STK32C: variants seen among roughly 807,000 people sequenced by gnomAD.
The protein encoded by STK32C is serine/threonine kinase 32C, also known as serine/threonine-protein kinase 32C.
Under a neutral mutation model 56.5 loss-of-function variants are expected in STK32C, and 31 were observed. The observed-to-expected ratio is 0.55, with a 90% confidence interval of 0.41 to 0.74. STK32C has a LOEUF of 0.74. Ranked by LOEUF, STK32C falls within the 30% of genes least tolerant of loss-of-function variation. The pLI is 0.00. For synonymous variants in STK32C, 309 were observed against 289.4 expected, an observed-to-expected ratio of 1.07 and a Z score of -0.69; for missense variants, 544 against 676.9, an observed-to-expected ratio of 0.80 and a Z score of 2.18.
intron 1 of STK32C, among the ~76,000 whole-genome samples, chr10:132,259,381 T>C (rs912697466): frequency 4.6e-5 from 7 of 152,224 alleles, no homozygotes; most frequent in Non-Finnish European, 1.5e-5. Flanking sequence ...AGGAGGGTCC[T>C]GGTGGGAGGT....
Position 132,307,215 on chromosome 10 carries a change from A to C in STK32C, c.262+357T>G, listed in dbSNP as rs747453310. ...GAGCGCCTCTCTAACTGCAAAGTAC[A>C]AACGAGCCCGCACGTGGGCCCGAGC... On this transcript the variant is annotated intron_variant, in intron 1 of 11. Transcript: ENST00000298630. This position sits in a 1 kb window ranked among gnomAD's most constrained non-coding sequence, Gnocchi z 4.4. 146 of 178,208 alleles carry C rather than the reference A, an allele frequency of 8.2e-4. No individual in the cohort carries two copies. Among genetic ancestry groups the C allele is most frequent in the Admixed American group, 1.9e-3 (30 of 15,712 alleles). The allele number at this position is 178,208 out of a possible 1,614,324, so 11.0% of individuals were successfully genotyped here. A position where few individuals can be genotyped will look rare whatever the true frequency, so the allele number is the denominator to read the frequency against.
chr10:132,331,938 C>G, upstream of STK32C: 1 of 511,244 alleles, frequency 2.0e-6, no homozygotes, highest in Non-Finnish European at 3.1e-6. Context: ...CAAGCGCAAC[C>G]CCCCGCCCCA....
chr10:132,251,231 G>T (rs769054455), intron 1 of STK32C, among the ~76,000 whole-genome samples: 1 of 152,198 alleles, frequency 6.6e-6, no homozygotes, highest in African/African-American at 2.4e-5. Context: ...ACCCAGTTTC[G>T]CCTAGTCCCA....
At chr10:132,249,140 G>A (rs1280122865) in intron 1 of STK32C, 4 of 443,508 alleles carry the variant, frequency 9.0e-6, no homozygotes, top group African/African-American at 2.1e-5. Flanking sequence ...GCGTCAGGGC[G>A]TGCAGGGGGC....
At chr10:132,292,696 AC>A (rs2065606390) in intron 1 of STK32C, among the ~76,000 whole-genome samples, 1 of 151,660 alleles carries the variant, frequency 6.6e-6, no homozygotes. Flanking sequence ...CCAACGCAAG[AC>A]CCCCACCCAA....
chr10:132,294,740 G>A (rs78089373), intron 1 of STK32C, among the ~76,000 whole-genome samples: 2,186 of 152,140 alleles, frequency 0.014, 60 homozygotes, highest in African/African-American at 0.05. Context: ...ACCAGCCCCC[G>A]ACCCAGGGCC....
In STK32C at chr10:132,307,541, GC is replaced by G. The variant is rs778626350; in HGVS notation, c.262+30del. 10 of 1,529,874 alleles carry G rather than the reference GC, an allele frequency of 6.5e-6. No homozygotes were observed. The African/African-American group carries it at 1.4e-4, about 22-fold the overall frequency. 94.8% of individuals were successfully genotyped at this position (1,529,874 alleles called of 1,614,324 possible). A position where few individuals can be genotyped will look rare whatever the true frequency, so the allele number is the denominator to read the frequency against. On this transcript the variant is annotated intron_variant, in intron 1 of 11. Transcript: ENST00000298630. The surrounding 1 kb of genome is among the most constrained non-coding windows in gnomAD (Gnocchi z 4.4). ...GCGCCCGCCCCTGCAATAGCGCGCG[GC>G]CCCCACGTCGTCCCCGTGCCCGCAC...
intron 1 of STK32C, among the ~76,000 whole-genome samples, chr10:132,317,477 A>C (rs968594838): frequency 6.6e-6 from 1 of 152,258 alleles, no homozygotes; most frequent in African/African-American, 2.4e-5. Flanking sequence ...TTTCTGGTGT[A>C]GGACTTGTAC....
intron 2 of STK32C, among the ~76,000 whole-genome samples, chr10:132,243,013 C>T (rs956740254): frequency 5.9e-5 from 9 of 152,364 alleles, no homozygotes; most frequent in Middle Eastern, 3.4e-3. Flanking sequence ...GGCCGGGGCT[C>T]GGCATGGGCT....
intron 2 of STK32C, among the ~76,000 whole-genome samples, chr10:132,239,339 C>G (rs2063417342): frequency 6.6e-6 from 1 of 152,180 alleles, no homozygotes; most frequent in Non-Finnish European, 1.5e-5. Flanking sequence ...GCAAACGGTC[C>G]TCCCCAAGCT....
chr10:132,315,605 G>A lies in STK32C; in HGVS notation c.301+15831C>T, dbSNP rs186190266. The stretch of plus-strand genomic sequence containing the variant: ...CAACCGGAGAGAAAAATAGACAAAC[G>A]CACAGTCATAGTAGTAGAGCTTAAC... On this transcript the variant is annotated intron_variant, in intron 1 of 3. Transcript: ENST00000368620. 5.6e-4 allele frequency among the ~76,000 whole-genome samples: 85 copies of A among 152,138 alleles called. 1 individual carries two copies. Among genetic ancestry groups the A allele is most frequent in the Middle Eastern group, 3.4e-3 (1 of 294 alleles).
At chr10:132,208,184 G>GC (rs929079396) in intron 11 of STK32C, 33 bp from the exon 12 acceptor site, 5 of 1,305,014 alleles carry the variant, frequency 3.8e-6, no homozygotes, top group Non-Finnish European at 4.9e-6. Context: ...AGGGCGTTAT[G>GC]CCCCCACCTC....
chr10:132,243,828 G>A (rs988409202), intron 2 of STK32C, among the ~76,000 whole-genome samples: 3 of 152,160 alleles, frequency 2.0e-5, no homozygotes, highest in Admixed American at 1.3e-4. Flanking sequence ...CGCCCTGAAC[G>A]GGTGGGCTCC....
chr10:132,274,717 C>T lies in STK32C; in HGVS notation c.263-28762G>A, dbSNP rs150444775. Among the ~76,000 whole-genome samples the T allele has an allele frequency of 4.6e-5, 7 of 152,322 alleles. No homozygotes were observed. The South Asian group carries it at 6.2e-4, about 14-fold the overall frequency. On this transcript the variant is annotated intron_variant, in intron 1 of 11. Transcript: ENST00000298630. ...GGCTGAGCGCAAACCTCAAAATCCA[C>T]GGGAACCAGGCCTCGGAGGGCCCCG...
rs191418619 is a variant in STK32C at position 132,307,555 on chromosome 10, C to T, written c.262+17G>A. On this transcript the variant is annotated intron_variant, in intron 1 of 11. Coordinates refer to ENST00000298630, the MANE Select transcript of STK32C (RefSeq NM_173575.4). The surrounding 1 kb of genome is among the most constrained non-coding windows in gnomAD (Gnocchi z 4.4). Reference sequence around the variant, plus strand: ...AATAGCGCGCGGCCCCCACGTCGTCCCCGTGCCCGCACTCACCGTCCTCCT... The same window carrying T: ...AATAGCGCGCGGCCCCCACGTCGTCTCCGTGCCCGCACTCACCGTCCTCCT... 2,189 of 1,543,828 alleles carry T rather than the reference C, an allele frequency of 1.4e-3. 47 individuals carry two copies. In the Admixed American group the frequency reaches 0.036, roughly 26 times the overall value.
chr10:132,255,507 G>A lies in STK32C; in HGVS notation c.263-9552C>T, dbSNP rs1362828774. 6.6e-6 allele frequency among the ~76,000 whole-genome samples: 1 copy of A among 152,222 alleles called. No individual in the cohort carries two copies. Among genetic ancestry groups the A allele is most frequent in the Non-Finnish European group, 1.5e-5 (1 of 68,036 alleles). ...GCAGATGGGGACAAGACAGGTGGGGGCTAGAGACAGGCATGAGAGCCGCTG... is the reference window on the plus strand; with the variant it reads ...GCAGATGGGGACAAGACAGGTGGGGACTAGAGACAGGCATGAGAGCCGCTG... On this transcript the variant is annotated intron_variant, in intron 1 of 11. Transcript: ENST00000298630. The surrounding 1 kb of genome is among the most constrained non-coding windows in gnomAD (Gnocchi z 4.6).
chr10:132,297,344 T>C (rs1156817274), intron 1 of STK32C, among the ~76,000 whole-genome samples: 1 of 151,898 alleles, frequency 6.6e-6, no homozygotes, highest in Non-Finnish European at 1.5e-5. Flanking sequence ...ACCCCGAAGA[T>C]CCACCGAAGG....
At chr10:132,298,901 C>T (rs2065834777) in intron 1 of STK32C, among the ~76,000 whole-genome samples, 1 of 152,110 alleles carries the variant, frequency 6.6e-6, no homozygotes. Flanking sequence ...GAGGATGCAC[C>T]GGCTAAGCCA....
chr10:132,252,135 AG>A (rs968280981), intron 1 of STK32C, among the ~76,000 whole-genome samples: 3 of 152,248 alleles, frequency 2.0e-5, no homozygotes, highest in Non-Finnish European at 4.4e-5. Context: ...AGAACCCGCT[AG>A]GGACATGGCG....
Sources: allele counts gnomAD v4.1 joint callset (sites outside exome capture counted in the v4.1 genomes callset), GRCh38; gene constraint gnomAD v4.1.1; non-coding constraint Gnocchi (gnomAD v3.1); transcripts MANE v1.5; gene names NCBI Gene and HGNC (gene_info 2026-07-23, HGNC 2026-07-21).